The following LIN9 variants were observed in gnomAD, a reference collection of about 807,000 sequenced individuals.
LIN9 encodes the protein protein lin-9 homolog.
LIN9 carries 18 observed loss-of-function variants against 78.0 expected under a neutral mutation model. The observed-to-expected ratio is 0.23, with a 90% CI of 0.16 to 0.34. The LOEUF (loss-of-function observed/expected upper bound fraction) is 0.34. LIN9 is among the 10% of genes least tolerant of loss of function. The probability of loss-of-function intolerance (pLI) is 1.00; values close to 1 mark genes in which losing one functional copy is unlikely to be tolerated. For missense variants in LIN9, 451 were observed against 644.1 expected (o/e 0.70, Z 3.25); for synonymous variants, 192 against 215.2 (o/e 0.89, Z 0.94).
At chr1:226,277,968 C>T (rs1660773110) in intron 6 of LIN9, 36 bp from the exon 7 acceptor site, 1 of 1,496,868 alleles carries the variant, frequency 6.7e-7, no homozygotes, top group South Asian at 1.2e-5. Flanking sequence ...AAACTGATAA[C>T]TACCCCATAT....
chr1:226,251,060 T>C, intron 10 of LIN9, 141 bp from the exon 11 acceptor site: 3 of 490,732 alleles, frequency 6.1e-6, no homozygotes, highest in Non-Finnish European at 7.1e-6. Flanking sequence ...TAGCATTGTT[T>C]TGGTTTTTTT....
At chr1:226,305,521 A>C (rs2102687930) in intron 1 of LIN9, among the ~76,000 whole-genome samples, 1 of 151,864 alleles carries the variant, frequency 6.6e-6, no homozygotes, top group Non-Finnish European at 1.5e-5. Flanking sequence ...GATTTAAAGA[A>C]GACATAATTT....
Position 226,277,863 on chromosome 1 carries a change from T to C in LIN9, c.594A>G (p.Leu198=). Residue 198 remains leucine (L), a synonymous_variant, in exon 7 of 15, where the codon TTA becomes TTG. Coordinates refer to ENST00000681046, the MANE Select transcript of LIN9 (RefSeq NM_001366245.2). ...AAACATCTGCAACTTTCCTTTGTTG[T>C]AAGAGCCTTATTTTCTGCCGTTTCT... ...LKQKRQKIRL[L]QQRKVADVSQ... is the part of the protein sequence containing the mutation. 1 of 1,613,800 alleles carries C rather than the reference T, an allele frequency of 6.2e-7. No homozygotes were observed. Among genetic ancestry groups the C allele is most frequent in the Non-Finnish European group, 8.5e-7 (1 of 1,179,766 alleles).
chr1:226,243,973 CA>C (rs1029836594), intron 11 of LIN9, among the ~76,000 whole-genome samples: 98 of 151,308 alleles, frequency 6.5e-4, no homozygotes, highest in African/African-American at 2.3e-3. Context: ...CTCCAAGGTT[CA>C]AGTGATTCTC....
Position 226,265,532 on chromosome 1 carries a change from C to T in LIN9, c.1038+1G>A. 6.4e-7 allele frequency: 1 copy of T among 1,572,684 alleles called. No individual in the cohort carries two copies. ...GCCAAGATATTCAGAACAATTCTTA[C>T]CACTTGGATAAGAAATTCTACTGGA... is the stretch of plus-strand genomic sequence containing the variant. On this transcript the variant is annotated splice_donor_variant, in intron 10 of 14. Coordinates refer to ENST00000681046, the MANE Select transcript of LIN9 (RefSeq NM_001366245.2). LOFTEE classifies it high-confidence loss of function. This position sits in a 1 kb window ranked among gnomAD's most constrained non-coding sequence, Gnocchi z 4.1.
chr1:226,305,188 G>A (rs1361467281), intron 1 of LIN9, among the ~76,000 whole-genome samples: 1 of 151,470 alleles, frequency 6.6e-6, no homozygotes, highest in African/African-American at 2.4e-5. Context: ...AATAAAGATA[G>A]GCCCTGCATG....
rs763711559 is a variant in LIN9 at position 226,231,829 on chromosome 1, T to C, written c.*672A>G. On this transcript the variant is annotated 3_prime_UTR_variant, in exon 15 of 15. Transcript: ENST00000681046. ...TAGCATTTTGCACCTTTTTTCCCCC[T>C]GTTCCTTCATTTTCTTTCAACAAAC... The C allele has an allele frequency of 9.3e-6, 2 of 214,894 alleles. No homozygotes were observed. The highest frequency in any genetic ancestry group is 5.8e-5 in the Admixed American group (1 of 17,368). The allele number at this position is 214,894 out of a possible 1,614,324, so 13.3% of individuals were successfully genotyped here.
chr1:226,294,580 A>AC (rs1360953987), intron 4 of LIN9, among the ~76,000 whole-genome samples: 5 of 151,052 alleles, frequency 3.3e-5, no homozygotes, highest in East Asian at 3.9e-4. Context: ...TCAAAAAAAA[A>AC]AAACAAAAAA....
At chr1:226,251,220 AT>A (rs1380629811) in intron 10 of LIN9, among the ~76,000 whole-genome samples, 1 of 139,228 alleles carries the variant, frequency 7.2e-6, no homozygotes, top group Non-Finnish European at 1.5e-5. Context: ...TGCCTGACTA[AT>A]TTTTGTAATT....
chr1:226,301,931 T>C (rs1360314715), intron 1 of LIN9, among the ~76,000 whole-genome samples: 1 of 152,086 alleles, frequency 6.6e-6, no homozygotes, highest in Admixed American at 6.5e-5. Context: ...TCACTGGGTA[T>C]GGGGGCACGT....
At position 226,278,713 on chromosome 1, in the gene LIN9, A is replaced by G. The variant is rs565882355; in HGVS notation, c.525-781T>C. 1.2e-4 allele frequency among the ~76,000 whole-genome samples: 18 copies of G among 151,464 alleles called. No individual in the cohort carries two copies. In the East Asian group the frequency reaches 3.5e-3, roughly 30 times the overall value. On this transcript the variant is annotated intron_variant, in intron 6 of 14. Coordinates refer to ENST00000681046, the MANE Select transcript of LIN9 (RefSeq NM_001366245.2). ...GTGGCAGGCGCCTATAATCCCAGCTACTCAGGAGGCTGAGGCAGGGGAATC... is the reference window on the plus strand; with the variant it reads ...GTGGCAGGCGCCTATAATCCCAGCTGCTCAGGAGGCTGAGGCAGGGGAATC...
intron 10 of LIN9, among the ~76,000 whole-genome samples, chr1:226,260,719 A>G (rs567833034): frequency 1.5e-5 from 2 of 134,924 alleles, no homozygotes; most frequent in East Asian, 4.4e-4. Context: ...AACTCGGCTC[A>G]CTGCAAGCTC....
upstream of LIN9, chr1:226,309,179 G>A: frequency 2.8e-6 from 4 of 1,416,872 alleles, no homozygotes; most frequent in East Asian, 2.7e-5. Context: ...GCTGCCCGCC[G>A]CGGTGCATTG....
At chr1:226,291,146 ATC>A in intron 4 of LIN9, among the ~76,000 whole-genome samples, 1 of 152,242 alleles carries the variant, frequency 6.6e-6, no homozygotes, top group Non-Finnish European at 1.5e-5. Context: ...CATCTTAGGC[ATC>A]TGTCCTAGAA....
chr1:226,274,317 T>C (rs948478489), intron 7 of LIN9, among the ~76,000 whole-genome samples: 2 of 152,238 alleles, frequency 1.3e-5, no homozygotes, highest in South Asian at 4.1e-4. Context: ...AAGAACTTTT[T>C]TGGCATTACT....
Position 226,263,401 on chromosome 1 carries a change from ATCT to A in LIN9, c.1038+2129_1038+2131del, listed in dbSNP as rs1486946444. On this transcript the variant is annotated intron_variant, in intron 10 of 14. Transcript: ENST00000681046. ...CAGGAAGTATATGGGAAATATCTGT[ATCT>A]TCTTCTCAATTTTGCTATGAACCTA... Among the ~76,000 whole-genome samples the A allele has an allele frequency of 3.3e-5, 5 of 152,184 alleles. No individual in the cohort carries two copies. In the East Asian group the frequency reaches 7.7e-4, roughly 23 times the overall value.
intron 8 of LIN9, 116 bp downstream of exon 8, chr1:226,267,841 T>C: frequency 8.9e-7 from 1 of 1,118,550 alleles, no homozygotes; most frequent in Non-Finnish European, 1.2e-6. Flanking sequence ...CCCCTAAGGA[T>C]CTCTTCCTCT....
chr1:226,236,963 A>G (rs935651216), intron 12 of LIN9, among the ~76,000 whole-genome samples: 2 of 152,216 alleles, frequency 1.3e-5, no homozygotes, highest in Non-Finnish European at 2.9e-5. Context: ...ATTCTAGTAT[A>G]TGTATTTTGG....
chr1:226,277,392 G>A (rs1448669668), intron 7 of LIN9, among the ~76,000 whole-genome samples: 1 of 152,136 alleles, frequency 6.6e-6, no homozygotes, highest in Non-Finnish European at 1.5e-5. Flanking sequence ...TGAAGAAAGA[G>A]TAACTTCTAT....
Sources: allele counts gnomAD v4.1 joint callset (sites outside exome capture counted in the v4.1 genomes callset), GRCh38; gene constraint gnomAD v4.1.1; non-coding constraint Gnocchi (gnomAD v3.1); transcripts MANE v1.5; gene names NCBI Gene and HGNC (gene_info 2026-07-23, HGNC 2026-07-21).